Variants in PPP2R2C observed in about 807,000 individuals in gnomAD.
PPP2R2C encodes the protein protein phosphatase 2, regulatory subunit B, gamma.
Under a neutral mutation model 45.3 loss-of-function variants are expected in PPP2R2C, and 10 were observed. The ratio of observed to expected loss-of-function variants is 0.22; its 90% CI spans 0.14 to 0.37. The LOEUF (loss-of-function observed/expected upper bound fraction) is 0.37, where lower values mean the gene tolerates loss of function less well. Among genes scored for constraint, PPP2R2C ranks in the 10% least tolerant of loss-of-function variants. The pLI, the probability that PPP2R2C is intolerant of heterozygous loss-of-function variation, is 1.00. For missense variants in PPP2R2C, 308 were observed against 619.7 expected (o/e 0.50, Z 5.34); for synonymous variants, 257 against 245.4 (o/e 1.05, Z -0.44).
chr4:6,351,694 C>G (rs1322464239), intron 5 of PPP2R2C, among the ~76,000 whole-genome samples: 1 of 152,168 alleles, frequency 6.6e-6, no homozygotes, highest in Non-Finnish European at 1.5e-5. Context: ...GCCAATGCGG[C>G]AGGCCCTCCA....
intron 1 of PPP2R2C, among the ~76,000 whole-genome samples, chr4:6,430,463 C>A (rs1157392133): frequency 2.6e-5 from 4 of 152,196 alleles, no homozygotes; most frequent in Non-Finnish European, 5.9e-5. Context: ...GTGACTCCCC[C>A]ACTCCAGAGT....
At chr4:6,546,431 C>T (rs1724987322) in intron 1 of PPP2R2C, among the ~76,000 whole-genome samples, 1 of 152,220 alleles carries the variant, frequency 6.6e-6, no homozygotes, top group Non-Finnish European at 1.5e-5. Context: ...CATTAATCCT[C>T]ACAATAACTT....
chr4:6,515,519 C>T (rs755311845), intron 2 of PPP2R2C, among the ~76,000 whole-genome samples: 2 of 152,180 alleles, frequency 1.3e-5, no homozygotes, highest in Non-Finnish European at 2.9e-5. Flanking sequence ...TTCTCATGCA[C>T]AAAAAGAGAA....
At position 6,421,519 on chromosome 4, in the gene PPP2R2C, C is replaced by T. The variant is rs35760704; in HGVS notation, c.71-40425G>A. The stretch of plus-strand genomic sequence containing the variant: ...GCCGCTCTAGATACTGAGTGTCATC[C>T]GCTTTGCACCAGGCACTCTGCGGGC... On this transcript the variant is annotated intron_variant, in intron 1 of 8. Transcript: ENST00000382599. Among the ~76,000 whole-genome samples, 1,323 of 152,244 alleles carry T rather than the reference C, an allele frequency of 8.7e-3. 20 individuals carry two copies. Among genetic ancestry groups the T allele is most frequent in the Middle Eastern group, 0.044 (13 of 294 alleles).
intron 5 of PPP2R2C, chr4:6,350,950 G>C (rs1712494724): frequency 2.0e-6 from 2 of 985,376 alleles, no homozygotes; most frequent in Non-Finnish European, 2.4e-6. Flanking sequence ...CCCCCTGACA[G>C]GTTCAGTGTC....
intron 1 of PPP2R2C, among the ~76,000 whole-genome samples, chr4:6,552,353 T>C (rs1560618526): frequency 6.6e-6 from 1 of 152,184 alleles, no homozygotes; most frequent in Non-Finnish European, 1.5e-5. Context: ...GCAGGGCTGG[T>C]TCCTGCTGGA....
rs1405688290 is a variant in PPP2R2C at position 6,324,425 on chromosome 4, C to A, written c.1053-832G>T. On this transcript the variant is annotated intron_variant, in intron 8 of 8. Coordinates refer to ENST00000382599, the MANE Select transcript of PPP2R2C (RefSeq NM_020416.4). The surrounding 1 kb of genome is among the most constrained non-coding windows in gnomAD (Gnocchi z 4.1). ...CAGCCTGGGCAATAAGAGCAAAACTCCGTCTCGAAAAAAGAAAAGAAAAGA... is the reference window on the plus strand; with the variant it reads ...CAGCCTGGGCAATAAGAGCAAAACTACGTCTCGAAAAAAGAAAAGAAAAGA... 7.4e-6 allele frequency among the ~76,000 whole-genome samples: 1 copy of A among 135,986 alleles called. No homozygotes were observed. Among genetic ancestry groups the A allele is most frequent in the Non-Finnish European group, 1.6e-5 (1 of 63,606 alleles). 89.2% of individuals were successfully genotyped at this position (135,986 alleles called of 152,430 possible). A position where few individuals can be genotyped will look rare whatever the true frequency, so the allele number is the denominator to read the frequency against.
rs780343510 is a variant in PPP2R2C at position 6,329,226 on chromosome 4, C to T, written c.1052+36G>A. ...CCCTGCAGGGCAGAAACCCTCCCTACGGTGAGGTGAGGTGCGGGCTGAGGT... is the reference window on the plus strand; with the variant it reads ...CCCTGCAGGGCAGAAACCCTCCCTATGGTGAGGTGAGGTGCGGGCTGAGGT... On this transcript the variant is annotated intron_variant, in intron 8 of 8. Coordinates refer to ENST00000382599, the MANE Select transcript of PPP2R2C (RefSeq NM_020416.4). The surrounding 1 kb of genome is among the most constrained non-coding windows in gnomAD (Gnocchi z 5.8). 8.9e-6 allele frequency: 14 copies of T among 1,581,486 alleles called. No homozygotes were observed. The highest frequency in any genetic ancestry group is 4.5e-5 in the East Asian group (2 of 44,676).
At chr4:6,447,228 G>A (rs79340263) in intron 1 of PPP2R2C, among the ~76,000 whole-genome samples, 86 of 152,204 alleles carry the variant, frequency 5.7e-4, no homozygotes, top group Admixed American at 1.5e-3. Context: ...CTCTCGGGTC[G>A]GTGCCTCCCA....
chr4:6,541,558 G>C (rs1490808621), intron 1 of PPP2R2C, among the ~76,000 whole-genome samples: 1 of 152,052 alleles, frequency 6.6e-6, no homozygotes, highest in Non-Finnish European at 1.5e-5. Context: ...TTGTTTGTTT[G>C]TTTGGTGAGA....
chr4:6,445,201 A>C lies in PPP2R2C; in HGVS notation c.70+26959T>G, dbSNP rs1279473568. Among the ~76,000 whole-genome samples, 4 of 151,140 alleles carry C rather than the reference A, an allele frequency of 2.6e-5. No homozygotes were observed. The South Asian group carries it at 6.2e-4, about 24-fold the overall frequency. On this transcript the variant is annotated intron_variant, in intron 1 of 8. Coordinates refer to ENST00000382599, the MANE Select transcript of PPP2R2C (RefSeq NM_020416.4). ...GAGACCCTGTCTCAACAAAAGCAAA[A>C]TAAAAACAAAAAAAAAAACCCTCTC...
intron 2 of PPP2R2C, among the ~76,000 whole-genome samples, chr4:6,499,493 G>A (rs1209702095): frequency 6.6e-6 from 1 of 152,044 alleles, no homozygotes; most frequent in East Asian, 1.9e-4. Flanking sequence ...CAGACGCTTG[G>A]CACCCTCATT....
intron 1 of PPP2R2C, among the ~76,000 whole-genome samples, chr4:6,417,642 C>T (rs747997369): frequency 2.0e-5 from 3 of 152,182 alleles, no homozygotes; most frequent in Non-Finnish European, 4.4e-5. Flanking sequence ...CTGAGGCTTT[C>T]GGGGGCCCCC....
chr4:6,371,734 C>G (rs535205167), intron 5 of PPP2R2C, among the ~76,000 whole-genome samples: 3 of 152,202 alleles, frequency 2.0e-5, no homozygotes, highest in African/African-American at 7.2e-5. Context: ...GTACCTACCT[C>G]ATAGGGTTGT....
chr4:6,333,092 A>G (rs1007823776), intron 7 of PPP2R2C, among the ~76,000 whole-genome samples: 1 of 152,232 alleles, frequency 6.6e-6, no homozygotes, highest in African/African-American at 2.4e-5. Context: ...CCAGGCTTAT[A>G]GGCCTGTGCT....
chr4:6,493,276 T>C (rs1722767270), intron 2 of PPP2R2C, among the ~76,000 whole-genome samples: 1 of 151,914 alleles, frequency 6.6e-6, no homozygotes, highest in African/African-American at 2.4e-5. Context: ...TCCCCCTTTC[T>C]GGGCTTTGCT....
rs893770854 is a variant in PPP2R2C, at chr4:6,378,755, C to A, written c.169-183G>T. ...CCCATGACTTGCAGTGTGCCAGGGACAAGCCCCGCTCCCGTGCGGTCCCAT... is the reference window on the plus strand; with the variant it reads ...CCCATGACTTGCAGTGTGCCAGGGAAAAGCCCCGCTCCCGTGCGGTCCCAT... On this transcript the variant is annotated intron_variant, in intron 2 of 8. Transcript: ENST00000382599. The surrounding 1 kb of genome is among the most constrained non-coding windows in gnomAD (Gnocchi z 5.2). Among the ~76,000 whole-genome samples the A allele has an allele frequency of 6.6e-6, 1 of 152,108 alleles. No individual in the cohort carries two copies. Among genetic ancestry groups the A allele is most frequent in the African/African-American group, 2.4e-5 (1 of 41,406 alleles).
intron 5 of PPP2R2C, among the ~76,000 whole-genome samples, chr4:6,362,864 G>A (rs1713918354): frequency 1.6e-5 from 2 of 123,440 alleles, no homozygotes; most frequent in South Asian, 5.8e-4. Flanking sequence ...CCCAGCCCTG[G>A]CACCCCCTTT....
At chr4:6,413,051 T>C (rs936073355) in intron 1 of PPP2R2C, among the ~76,000 whole-genome samples, 10 of 152,200 alleles carry the variant, frequency 6.6e-5, no homozygotes, top group Admixed American at 2.0e-4. Flanking sequence ...CAGACTAAGA[T>C]AGACTCTAAC....
Sources: gnomAD v4.1 joint callset for allele counts (sites outside exome capture counted in the v4.1 genomes callset) on GRCh38, gnomAD v4.1.1 for gene constraint, Gnocchi (gnomAD v3.1) non-coding constraint, MANE v1.5 for transcripts, NCBI Gene and HGNC (gene_info 2026-07-23, HGNC 2026-07-21) for gene names.